Variants in SRGN observed in about 807,000 individuals in gnomAD.
SRGN encodes hematopoetic proteoglycan core peptide.
Under a neutral mutation model 9.5 loss-of-function variants are expected in SRGN, and 2 were observed. That is an observed-to-expected ratio of 0.21 (90% CI 0.09 to 0.66). The LOEUF (loss-of-function observed/expected upper bound fraction) is 0.66, where lower values mean the gene tolerates loss of function less well. Among genes scored for constraint, SRGN ranks in the 30% least tolerant of loss-of-function variants. SRGN has a pLI of 0.83. For synonymous variants in SRGN, 59 were observed against 72.3 expected (o/e 0.82, Z 0.93); for missense variants, 170 against 192.4 (o/e 0.88, Z 0.69).
intron 1 of SRGN, among the ~76,000 whole-genome samples, chr10:69,091,879 C>CAAAA (rs1177012248): frequency 0.021 from 646 of 31,474 alleles, 3 homozygotes; most frequent in Middle Eastern, 0.048. Context: ...GACTCTGTCT[C>CAAAA]AAAAAAAAAA....
At position 69,104,681 on chromosome 10, in the gene SRGN, C is replaced by T. The variant is rs1840364343; in HGVS notation, c.*561C>T. 6.6e-6 allele frequency: 1 copy of T among 152,102 alleles called. No individual in the cohort carries two copies. Among genetic ancestry groups the T allele is most frequent in the African/African-American group, 2.4e-5 (1 of 41,400 alleles). The allele number at this position is 152,102 out of a possible 1,614,324, so 9.4% of individuals were successfully genotyped here. ...AAGTATGATTGCTGTTACATAACACCCCAAATTAACTCCCAAATTAAAACA... is the reference window on the plus strand; with the variant it reads ...AAGTATGATTGCTGTTACATAACACTCCAAATTAACTCCCAAATTAAAACA... On this transcript the variant is annotated 3_prime_UTR_variant, in exon 3 of 3. Transcript: ENST00000242465.
intron 2 of SRGN, among the ~76,000 whole-genome samples, chr10:69,101,153 C>T (rs919616517): frequency 1.5e-4 from 23 of 151,812 alleles, no homozygotes; most frequent in African/African-American, 4.8e-4. Context: ...TTGGTAGAGA[C>T]GGGGTTTTGC....
intron 1 of SRGN, among the ~76,000 whole-genome samples, chr10:69,095,042 T>C (rs1383951517): frequency 6.6e-6 from 1 of 151,740 alleles, no homozygotes; most frequent in Non-Finnish European, 1.5e-5. Flanking sequence ...GTGTGGTGGC[T>C]CACACCTGTA....
intron 1 of SRGN, among the ~76,000 whole-genome samples, chr10:69,088,451 C>T (rs1176241447): frequency 4.6e-5 from 7 of 152,122 alleles, no homozygotes; most frequent in Non-Finnish European, 7.3e-5. Flanking sequence ...CTTGTAAACT[C>T]TTACAATGAT....
At chr10:69,091,900 AAAAAAAAAGAAAAAG>A (rs1840066518) in intron 1 of SRGN, among the ~76,000 whole-genome samples, 1 of 89,750 alleles carries the variant, frequency 1.1e-5, no homozygotes. Context: ...AAAAAAAAAA[AAAAAAAAAGAAAAAG>A]AAAAGAAAAG....
intron 1 of SRGN, among the ~76,000 whole-genome samples, chr10:69,095,648 C>T (rs11817899): frequency 4.6e-5 from 7 of 151,984 alleles, no homozygotes; most frequent in African/African-American, 1.2e-4. Context: ...TGGTGGCTCA[C>T]GCCTGTAATC....
intron 1 of SRGN, among the ~76,000 whole-genome samples, chr10:69,091,427 G>T (rs947738959): frequency 5.9e-5 from 9 of 152,160 alleles, no homozygotes; most frequent in Non-Finnish European, 1.0e-4. Context: ...GCAAGAGTGG[G>T]GGAAGCTTAT....
intron 2 of SRGN, among the ~76,000 whole-genome samples, chr10:69,103,065 G>C (rs1380085919): frequency 6.6e-6 from 1 of 151,764 alleles, no homozygotes; most frequent in Non-Finnish European, 1.5e-5. Flanking sequence ...TCAGCCTTCC[G>C]AGTAGCTGGG....
chr10:69,089,845 G>A (rs1217355668), intron 1 of SRGN, among the ~76,000 whole-genome samples: 1 of 152,102 alleles, frequency 6.6e-6, no homozygotes, highest in East Asian at 1.9e-4. Context: ...GCAGTGAGCT[G>A]AGATTGCACC....
intron 1 of SRGN, among the ~76,000 whole-genome samples, chr10:69,091,951 T>G (rs78109217): frequency 6.9e-6 from 1 of 145,814 alleles, no homozygotes; most frequent in Admixed American, 6.9e-5. Context: ...TAGTATATTG[T>G]GATTATGTTG....
intron 2 of SRGN, 143 bp from the exon 3 acceptor site, chr10:69,103,728 A>G (rs1216035909): frequency 7.6e-6 from 7 of 923,258 alleles, no homozygotes; most frequent in Non-Finnish European, 1.6e-6. Context: ...TAAAACATTG[A>G]ATAATTGGGA....
intron 1 of SRGN, among the ~76,000 whole-genome samples, chr10:69,096,565 A>G (rs1488698294): frequency 6.6e-6 from 1 of 152,220 alleles, no homozygotes; most frequent in Non-Finnish European, 1.5e-5. Context: ...GGAGTGTTGT[A>G]AGAAGGACAA....
chr10:69,087,704 A>C (rs1310743007), upstream of SRGN, among the ~76,000 whole-genome samples: 5 of 152,116 alleles, frequency 3.3e-5, no homozygotes. Context: ...AGAATGTTTT[A>C]TGTTGAAAGT....
rs777677995 is a variant in SRGN at position 69,104,063 on chromosome 10, G to T, written c.420G>T (p.Leu140=). Residue 140 remains leucine (L), a synonymous_variant, in exon 3 of 3, where the codon CTG becomes CTT. Transcript: ENST00000242465. ...ACCTTAGGTCTCTTGACAGGAATCT[G>T]CCCTCAGACAGCCAGGACTTGGGTC... ...HDNLRSLDRN[L]PSDSQDLGQH... is the part of the protein sequence containing the mutation. 2 of 1,614,066 alleles carry T rather than the reference G, an allele frequency of 1.2e-6. No individual in the cohort carries two copies. The highest frequency in any genetic ancestry group is 1.7e-6 in the Non-Finnish European group (2 of 1,180,042).
chr10:69,101,214 C>T (rs1244848902), intron 2 of SRGN, among the ~76,000 whole-genome samples: 4 of 152,106 alleles, frequency 2.6e-5, no homozygotes, highest in Non-Finnish European at 5.9e-5. Context: ...ATCTGCCTGC[C>T]TCGTCCTCCC....
intron 2 of SRGN, among the ~76,000 whole-genome samples, chr10:69,099,964 C>T (rs188232391): frequency 6.6e-6 from 1 of 152,260 alleles, no homozygotes. Flanking sequence ...GTGCCTCACG[C>T]CTGTAATCCC....
At chr10:69,092,278 T>G (rs574269783) in intron 1 of SRGN, among the ~76,000 whole-genome samples, 13 of 152,332 alleles carry the variant, frequency 8.5e-5, no homozygotes, top group Admixed American at 2.0e-4. Context: ...GGGCTGGAAC[T>G]GTAAATTTTC....
At chr10:69,096,222 C>G (rs1358354912) in intron 1 of SRGN, among the ~76,000 whole-genome samples, 4 of 152,176 alleles carry the variant, frequency 2.6e-5, no homozygotes, top group Non-Finnish European at 4.4e-5. Context: ...TTTGACTCAT[C>G]TCTATGAAAA....
intron 2 of SRGN, 115 bp downstream of exon 2, chr10:69,097,346 C>T (rs1221052060): frequency 3.8e-6 from 3 of 783,424 alleles, no homozygotes; most frequent in Middle Eastern, 4.0e-4. Context: ...CTGCAACCTC[C>T]GCCTCCTGGG....
Sources: gnomAD v4.1 joint callset for allele counts (sites outside exome capture counted in the v4.1 genomes callset) on GRCh38, gnomAD v4.1.1 for gene constraint, MANE v1.5 for transcripts, NCBI Gene and HGNC (gene_info 2026-07-23, HGNC 2026-07-21) for gene names.